The following P2RX3 variants were observed in gnomAD, a reference collection of about 807,000 sequenced individuals.
P2RX3 encodes purinergic receptor P2X 3.
Under a neutral mutation model 51.5 loss-of-function variants are expected in P2RX3, and 41 were observed. The observed-to-expected ratio is 0.80, with a 90% CI of 0.62 to 1.03. P2RX3 has a LOEUF of 1.03. Among genes scored for constraint, P2RX3 ranks in the 50% least tolerant of loss-of-function variants. The pLI is 0.00. For missense variants in P2RX3, 459 were observed against 522.1 expected, an observed-to-expected ratio of 0.88 and a Z score of 1.18; for synonymous variants, 185 against 191.6, an observed-to-expected ratio of 0.97 and a Z score of 0.29.
At position 57,369,432 on chromosome 11, in the gene P2RX3, T is replaced by G. The variant is rs1313388825; in HGVS notation, c.1074T>G (p.Phe358Leu). 1 of 1,605,282 alleles carries G rather than the reference T, an allele frequency of 6.2e-7. No homozygotes were observed. Among genetic ancestry groups the G allele is most frequent in the African/African-American group, 1.3e-5 (1 of 74,422 alleles). The change falls in exon 11 of 12, where the codon TTT becomes TTG. Residue 358 changes from phenylalanine to leucine, a missense_variant. Coordinates refer to ENST00000263314, the MANE Select transcript of P2RX3 (RefSeq NM_002559.5). ...CCGACCAGTACAAAGCCAAGAAGTT[T>G]GAGGAGGTGAGTTGGGGAAGGGGCA... ...KGADQYKAKKFEEVNETTLKI... is the reference protein window; with the variant it reads ...KGADQYKAKKLEEVNETTLKI...
In P2RX3 at chr11:57,350,577, C is replaced by T. The variant is rs564278046; in HGVS notation, c.706-185C>T. 4.0e-6 allele frequency: 3 copies of T among 757,046 alleles called. No individual in the cohort carries two copies. In the East Asian group the frequency reaches 8.4e-5, roughly 21 times the overall value. 46.9% of individuals were successfully genotyped at this position (757,046 alleles called of 1,614,324 possible). ...GATTACAGGCGTGAATCACCGCACC[C>T]GGCCACCACAGCACTTCTTTACTGA... On this transcript the variant is annotated intron_variant, in intron 7 of 11. Coordinates refer to ENST00000263314, the MANE Select transcript of P2RX3 (RefSeq NM_002559.5).
At chr11:57,345,406 G>A (rs1222183883) in intron 1 of P2RX3, among the ~76,000 whole-genome samples, 1 of 152,156 alleles carries the variant, frequency 6.6e-6, no homozygotes, top group South Asian at 2.1e-4. Context: ...TGTAACAGAT[G>A]TATTTGTTTG....
chr11:57,338,279 C>G (rs1856271356), upstream of P2RX3: 1 of 276,192 alleles, frequency 3.6e-6, no homozygotes, highest in Non-Finnish European at 6.9e-6. Flanking sequence ...GGATTGGAGA[C>G]CCCACCCCTG....
rs534333162 is a variant in P2RX3 at position 57,367,085 on chromosome 11, A to G, written c.843-924A>G. On this transcript the variant is annotated intron_variant, in intron 8 of 11. Coordinates refer to ENST00000263314, the MANE Select transcript of P2RX3 (RefSeq NM_002559.5). ...TGAAAGCACCTTTCAAAACTGCTCT[A>G]TAAATGTAAACAACAACAATGGGTT... Among the ~76,000 whole-genome samples the G allele has an allele frequency of 2.6e-5, 4 of 152,376 alleles. No individual in the cohort carries two copies. In the East Asian group the frequency reaches 7.7e-4, roughly 29 times the overall value.
At position 57,347,435 on chromosome 11, in the gene P2RX3, T is replaced by A; in HGVS notation, c.348T>A (p.Cys116Ter). 1.3e-6 allele frequency: 2 copies of A among 1,559,672 alleles called. No individual in the cohort carries two copies. The highest frequency in any genetic ancestry group is 2.4e-5 in the South Asian group (2 of 84,610). Residue 116 changes from cysteine to a stop codon, truncating the protein, a stop_gained, in exon 4 of 12, where the codon TGT (cysteine) becomes TGA (stop). Transcript: ENST00000263314. LOFTEE classifies it high-confidence loss of function. ...CACAGAGTGAGGAGAAATACCGCTG[T>A]GTATCAGACAGCCAGTGCGGGCCTG... is the stretch of plus-strand genomic sequence containing the variant. ...FCPESEEKYR[C>*]VSDSQCGPER...
chr11:57,356,204 G>A (rs1382724323), intron 8 of P2RX3, among the ~76,000 whole-genome samples: 1 of 152,082 alleles, frequency 6.6e-6, no homozygotes, highest in Non-Finnish European at 1.5e-5. Context: ...CTAATTAAGA[G>A]GCACATCAGG....
intron 1 of P2RX3, among the ~76,000 whole-genome samples, chr11:57,343,329 G>C (rs1015068382): frequency 1.3e-5 from 2 of 152,204 alleles, no homozygotes; most frequent in Non-Finnish European, 2.9e-5. Flanking sequence ...ACTTTCCTAA[G>C]CCAGGAGATG....
At chr11:57,363,479 A>G (rs898977676) in intron 8 of P2RX3, among the ~76,000 whole-genome samples, 19 of 152,168 alleles carry the variant, frequency 1.2e-4, no homozygotes, top group African/African-American at 4.6e-4. Context: ...CTAGAGCCTC[A>G]GAGTCCTCTC....
intron 1 of P2RX3, 95 bp downstream of exon 1, chr11:57,338,764 C>A: frequency 2.6e-6 from 2 of 779,184 alleles, no homozygotes; most frequent in Non-Finnish European, 4.3e-6. Flanking sequence ...GCTTCCTGAG[C>A]TCCTCTGCTC....
rs763680114 is a variant in P2RX3, at chr11:57,369,958, G to A, written c.1155G>A (p.Lys385=). The A allele has an allele frequency of 3.1e-6, 5 of 1,614,030 alleles. No individual in the cohort carries two copies. Among genetic ancestry groups the A allele is most frequent in the Non-Finnish European group, 4.2e-6 (5 of 1,179,972 alleles). The change falls in exon 12 of 12, where the codon AAG becomes AAA. Residue 385 remains lysine (K), a synonymous_variant. Transcript: ENST00000263314. ...CCAGCGACCAGACCACAGCGGAGAAGCAGTCCACCGATTCGGGGGCCTTCT... is the reference window on the plus strand; with the variant it reads ...CCAGCGACCAGACCACAGCGGAGAAACAGTCCACCGATTCGGGGGCCTTCT... ...VYPSDQTTAE[K]QSTDSGAFSI... is the part of the protein sequence containing the mutation.
intron 8 of P2RX3, among the ~76,000 whole-genome samples, chr11:57,358,576 G>A (rs1408657228): frequency 1.3e-5 from 2 of 152,164 alleles, no homozygotes; most frequent in African/African-American, 4.8e-5. Flanking sequence ...TGTTAAGCAC[G>A]TCTCATTGCC....
intron 1 of P2RX3, among the ~76,000 whole-genome samples, chr11:57,339,060 C>G (rs527755868): frequency 1.3e-5 from 2 of 152,118 alleles, no homozygotes; most frequent in African/African-American, 2.4e-5. Flanking sequence ...GTCAAGTCTT[C>G]GGGGTCTCAA....
chr11:57,341,895 C>CTGTT lies in P2RX3; in HGVS notation c.119+3229_119+3230insTTGT, dbSNP rs563721957. Among the ~76,000 whole-genome samples the CTGTT allele has an allele frequency of 1.4e-4, 21 of 152,282 alleles. No homozygotes were observed. The South Asian group carries it at 1.9e-3, about 14-fold the overall frequency. On this transcript the variant is annotated intron_variant, in intron 1 of 11. Transcript: ENST00000263314. ...AAGACCCAGTCCACAAACTTGCCAT[C>CTGTT]TGTACAGCCCCATGCTTTGGTTCAT...
At chr11:57,340,321 A>T (rs936554392) in intron 1 of P2RX3, among the ~76,000 whole-genome samples, 2 of 152,094 alleles carry the variant, frequency 1.3e-5, no homozygotes, top group Non-Finnish European at 2.9e-5. Context: ...TCATGATCAG[A>T]TAGAATCCTC....
Position 57,368,491 on chromosome 11 carries a change from G to A in P2RX3, c.1002+54G>A, listed in dbSNP as rs374940198. The stretch of plus-strand genomic sequence containing the variant: ...GGCCAGTCAGAGTGGGGCCCGGACT[G>A]GTACCAGCAGGCAGGGGAGTGACGG... On this transcript the variant is annotated intron_variant, in intron 10 of 11. Transcript: ENST00000263314. The A allele has an allele frequency of 4.0e-4, 639 of 1,590,242 alleles. 5 individuals are homozygous for A. In the South Asian group the frequency reaches 6.7e-3, roughly 17 times the overall value.
chr11:57,348,347 T>C (rs1278615703), intron 5 of P2RX3, 84 bp downstream of exon 5: 7 of 1,283,196 alleles, frequency 5.5e-6, no homozygotes, highest in Non-Finnish European at 7.6e-6. Context: ...TCTCTGAGCT[T>C]GAGGAGGGTC....
intron 11 of P2RX3, 149 bp from the exon 12 acceptor site, chr11:57,369,735 A>G (rs1856852825): frequency 3.0e-6 from 2 of 670,418 alleles, no homozygotes; most frequent in Non-Finnish European, 5.4e-6. Context: ...CCCTCGGGGT[A>G]CATGGGAGGG....
chr11:57,348,571 C>G (rs568248839), intron 5 of P2RX3, 56 bp from the exon 6 acceptor site: 1 of 1,459,680 alleles, frequency 6.9e-7, no homozygotes, highest in South Asian at 1.1e-5. Flanking sequence ...CAGGTGAAAG[C>G]CTTCATTTCC....
At chr11:57,353,124 G>A (rs542956387) in intron 8 of P2RX3, among the ~76,000 whole-genome samples, 35 of 152,328 alleles carry the variant, frequency 2.3e-4, no homozygotes, top group African/African-American at 5.1e-4. Flanking sequence ...GTGGGAGGCT[G>A]CAAAGCTGTC....
Sources: gnomAD v4.1 joint callset for allele counts (sites outside exome capture counted in the v4.1 genomes callset) on GRCh38, gnomAD v4.1.1 for gene constraint, MANE v1.5 for transcripts, NCBI Gene and HGNC (gene_info 2026-07-23, HGNC 2026-07-21) for gene names.